Variants in PAPSS2 observed in about 807,000 individuals in gnomAD.
The protein encoded by PAPSS2 is bifunctional 3'-phosphoadenosine 5'-phosphosulfate synthase 2.
In PAPSS2, 61 loss-of-function variants were observed where a neutral mutation model predicts 66.5. The observed-to-expected ratio is 0.92, with a 90% CI of 0.75 to 1.14. The LOEUF (loss-of-function observed/expected upper bound fraction) is 1.14. PAPSS2 is among the 50% of genes most tolerant of loss of function. The pLI, the probability that PAPSS2 is intolerant of heterozygous loss-of-function variation, is 0.00. For missense variants in PAPSS2, 708 were observed against 789.6 expected (o/e 0.90, Z 1.24); for synonymous variants, 289 against 287.5 (o/e 1.01, Z -0.05).
At chr10:87,742,913 C>T (rs1474390015) in intron 10 of PAPSS2, among the ~76,000 whole-genome samples, 3 of 152,226 alleles carry the variant, frequency 2.0e-5, no homozygotes, top group Admixed American at 2.0e-4. Flanking sequence ...GGATTAACAC[C>T]TCTAAAGACC....
intron 1 of PAPSS2, chr10:87,660,402 C>T (rs921609110): frequency 5.9e-5 from 19 of 320,568 alleles, no homozygotes; most frequent in African/African-American, 3.9e-4. Context: ...TCCCGTTCTG[C>T]CAGGTCTGGT....
At chr10:87,728,093 G>A (rs886422950) in intron 9 of PAPSS2, among the ~76,000 whole-genome samples, 1 of 152,050 alleles carries the variant, frequency 6.6e-6, no homozygotes, top group Non-Finnish European at 1.5e-5. Flanking sequence ...GATCAGGTAG[G>A]GTCTATCATG....
chr10:87,660,133 G>C, intron 1 of PAPSS2, 125 bp downstream of exon 1: 1 of 957,674 alleles, frequency 1.0e-6, no homozygotes, highest in South Asian at 1.4e-5. Flanking sequence ...AGGAGTAAGA[G>C]TGGGGCACGG....
intron 11 of PAPSS2, among the ~76,000 whole-genome samples, chr10:87,744,089 G>A (rs1853907648): frequency 6.6e-6 from 1 of 151,240 alleles, no homozygotes; most frequent in South Asian, 2.1e-4. Context: ...GCAACAGAGC[G>A]AGACTTCGTC....
chr10:87,737,456 C>T (rs1853814436), intron 9 of PAPSS2, among the ~76,000 whole-genome samples: 1 of 152,064 alleles, frequency 6.6e-6, no homozygotes, highest in South Asian at 2.1e-4. Context: ...TAATGTTAAG[C>T]ATATTCACAT....
At chr10:87,732,497 TG>T (rs2131723771) in intron 9 of PAPSS2, among the ~76,000 whole-genome samples, 1 of 151,838 alleles carries the variant, frequency 6.6e-6, no homozygotes, top group Non-Finnish European at 1.5e-5. Context: ...CACTCCAACC[TG>T]GGCTATAGGA....
chr10:87,694,210 T>A (rs1472689874), intron 1 of PAPSS2, among the ~76,000 whole-genome samples: 3 of 152,252 alleles, frequency 2.0e-5, no homozygotes, highest in Admixed American at 6.5e-5. Flanking sequence ...GAATTTGAAC[T>A]GCTTCCAAAC....
intron 1 of PAPSS2, among the ~76,000 whole-genome samples, chr10:87,701,214 T>C (rs574672518): frequency 2.0e-5 from 3 of 150,544 alleles, no homozygotes; most frequent in African/African-American, 7.3e-5. Flanking sequence ...AAATATGTTT[T>C]TATTTATATA....
At chr10:87,687,839 A>G (rs1332034372) in intron 1 of PAPSS2, among the ~76,000 whole-genome samples, 5 of 152,220 alleles carry the variant, frequency 3.3e-5, no homozygotes, top group Admixed American at 3.3e-4. Context: ...TAAAAAGAAA[A>G]AAGAATCAAG....
chr10:87,676,281 A>G (rs764514390), intron 1 of PAPSS2, among the ~76,000 whole-genome samples: 57 of 152,158 alleles, frequency 3.7e-4, no homozygotes, highest in Non-Finnish European at 6.2e-4. Flanking sequence ...GTAATTCTCT[A>G]GAGTGTAAGT....
At chr10:87,705,201 T>C (rs1298639250) in intron 1 of PAPSS2, among the ~76,000 whole-genome samples, 1 of 152,238 alleles carries the variant, frequency 6.6e-6, no homozygotes, top group Non-Finnish European at 1.5e-5. Flanking sequence ...TGGATAAGGC[T>C]TCTTTGACTC....
At chr10:87,668,310 C>T (rs1048545231) in intron 1 of PAPSS2, among the ~76,000 whole-genome samples, 1 of 152,160 alleles carries the variant, frequency 6.6e-6, no homozygotes, top group African/African-American at 2.4e-5. Context: ...TCAAAATCCT[C>T]ACGTATATAT....
intron 4 of PAPSS2, among the ~76,000 whole-genome samples, chr10:87,714,512 G>C (rs1303473406): frequency 6.6e-6 from 1 of 152,130 alleles, no homozygotes; most frequent in Non-Finnish European, 1.5e-5. Context: ...CATCTATAGA[G>C]GGCTTCAACT....
intron 4 of PAPSS2, 46 bp downstream of exon 4, chr10:87,714,228 G>A: frequency 6.3e-7 from 1 of 1,592,108 alleles, no homozygotes; most frequent in African/African-American, 1.3e-5. Context: ...TAGGCTGTCA[G>A]TCCTCAGTCC....
chr10:87,671,499 T>C (rs1852877742), intron 1 of PAPSS2, among the ~76,000 whole-genome samples: 1 of 152,188 alleles, frequency 6.6e-6, no homozygotes, highest in Non-Finnish European at 1.5e-5. Flanking sequence ...TTCTAGTGGG[T>C]GAATGCATAC....
In PAPSS2 at chr10:87,746,138, C is replaced by T. The variant is rs979179221; in HGVS notation, c.*168C>T. ...AAAAATATATATATATACACACACA[C>T]ATATACATACAAAGTCAAACTGAAG... On this transcript the variant is annotated 3_prime_UTR_variant, in exon 13 of 13. Coordinates refer to ENST00000456849, the MANE Select transcript of PAPSS2 (RefSeq NM_001015880.2). 6.1e-5 allele frequency: 31 copies of T among 504,776 alleles called. No individual in the cohort carries two copies. The highest frequency in any genetic ancestry group is 5.7e-4 in the African/African-American group (29 of 51,268). 31.3% of individuals were successfully genotyped at this position (504,776 alleles called of 1,614,324 possible).
intron 9 of PAPSS2, among the ~76,000 whole-genome samples, chr10:87,740,081 A>T (rs1853848079): frequency 6.6e-6 from 1 of 152,252 alleles, no homozygotes; most frequent in Non-Finnish European, 1.5e-5. Flanking sequence ...AACTATGGTT[A>T]TTCAGATATG....
In PAPSS2 at chr10:87,713,273, TG is replaced by T; in HGVS notation, c.346del (p.Val116SerfsTer33). ...EVAKLFADAG[L>X]VCITSFISPF... ...GCTAAGCTGTTTGCTGATGCTGGTCTGGTCTGCATTACCAGCTTTATTTCTC... is the reference window on the plus strand; with the variant it reads ...GCTAAGCTGTTTGCTGATGCTGGTCTGTCTGCATTACCAGCTTTATTTCTC... On this transcript the variant is annotated frameshift_variant, in exon 3 of 13. Transcript: ENST00000456849. LOFTEE classifies it high-confidence loss of function. 6.4e-7 allele frequency: 1 copy of T among 1,566,270 alleles called. No homozygotes were observed. The highest frequency in any genetic ancestry group is 8.7e-7 in the Non-Finnish European group (1 of 1,152,294).
At chr10:87,714,920 A>G in intron 5 of PAPSS2, 57 bp downstream of exon 5, 1 of 1,410,504 alleles carries the variant, frequency 7.1e-7, no homozygotes, top group Non-Finnish European at 1.0e-6. Context: ...AAGACAATCT[A>G]TGCCTCTTTA....
Sources: gnomAD v4.1 joint callset for allele counts (sites outside exome capture counted in the v4.1 genomes callset) on GRCh38, gnomAD v4.1.1 for gene constraint, MANE v1.5 for transcripts, NCBI Gene and HGNC (gene_info 2026-07-23, HGNC 2026-07-21) for gene names.